Variants in OSBP observed in about 807,000 individuals in gnomAD.
OSBP encodes the protein oxysterol binding protein.
A neutral mutation model predicts 96.6 loss-of-function variants in OSBP; 32 were observed. The observed-to-expected ratio is 0.33, with a 90% CI of 0.25 to 0.45. OSBP has a LOEUF of 0.45. Ranked by LOEUF, OSBP falls within the 20% of genes least tolerant of loss-of-function variation. The pLI, the probability that OSBP is intolerant of heterozygous loss-of-function variation, is 1.00. For missense variants in OSBP, 653 were observed against 1,029.7 expected, an observed-to-expected ratio of 0.63 and a Z score of 5.01; for synonymous variants, 369 against 389.6, an observed-to-expected ratio of 0.95 and a Z score of 0.62.
chr11:59,597,959 G>T (rs1373746535), intron 7 of OSBP, among the ~76,000 whole-genome samples: 1 of 151,968 alleles, frequency 6.6e-6, no homozygotes, highest in African/African-American at 2.4e-5. Context: ...ACCCATCTTG[G>T]TCTCCCAAAG....
chr11:59,581,535 G>A lies in OSBP; in HGVS notation c.1698C>T (p.Phe566=), dbSNP rs1338650435. The change falls in exon 10 of 14, where the codon TTC becomes TTT. Residue 566 remains phenylalanine, a synonymous_variant. Coordinates refer to ENST00000263847, the MANE Select transcript of OSBP (RefSeq NM_002556.3). The part of the protein sequence containing the change: ...IMPLGTIHCI[F]HATGHHYTWK... Reference sequence around the variant, plus strand: ...AAGTGTAGTGGTGCCCAGTTGCATGGAAAATACAATGAATGGTACCTGGAA... The same window carrying A: ...AAGTGTAGTGGTGCCCAGTTGCATGAAAAATACAATGAATGGTACCTGGAA... 1 of 1,610,122 alleles carries A rather than the reference G, an allele frequency of 6.2e-7. No individual in the cohort carries two copies. The highest frequency in any genetic ancestry group is 8.5e-7 in the Non-Finnish European group (1 of 1,176,594).
Position 59,615,771 on chromosome 11 carries a change from C to T in OSBP, c.-107G>A. 10 of 1,207,886 alleles carry T rather than the reference C, an allele frequency of 8.3e-6. No homozygotes were observed. The highest frequency in any genetic ancestry group is 9.3e-6 in the Non-Finnish European group (9 of 971,554). The allele number at this position is 1,207,886 out of a possible 1,614,324, so 74.8% of individuals were successfully genotyped here. A position where few individuals can be genotyped will look rare whatever the true frequency, so the allele number is the denominator to read the frequency against. On this transcript the variant is annotated 5_prime_UTR_variant, in exon 1 of 14. Coordinates refer to ENST00000263847, the MANE Select transcript of OSBP (RefSeq NM_002556.3). ...CGCATCAGCCACCGCCGCGCAGCGT[C>T]CCCGCCCCGCCCGGCCAGCCGCGGG...
intron 9 of OSBP, among the ~76,000 whole-genome samples, chr11:59,582,406 T>C (rs1333999319): frequency 6.6e-6 from 1 of 152,182 alleles, no homozygotes; most frequent in African/African-American, 2.4e-5. Flanking sequence ...GTTTCCTGGT[T>C]GGTGAATAGA....
At chr11:59,586,392 G>A (rs545573746) in intron 9 of OSBP, among the ~76,000 whole-genome samples, 1 of 152,150 alleles carries the variant, frequency 6.6e-6, no homozygotes, top group African/African-American at 2.4e-5. Context: ...AAACATTGCT[G>A]AAAGAAATTA....
Position 59,581,041 on chromosome 11 carries a change from C to G in OSBP, c.1782+410G>C, listed in dbSNP as rs529429716. On this transcript the variant is annotated intron_variant, in intron 10 of 13. Transcript: ENST00000263847. ...ATGTTGCTGCACATTTTCCAACCTA[C>G]ACATTGGTCATGTATCTCCAATGAT... Among the ~76,000 whole-genome samples, 57 of 152,350 alleles carry G rather than the reference C, an allele frequency of 3.7e-4. No individual in the cohort carries two copies. In the South Asian group the frequency reaches 0.011, roughly 30 times the overall value.
At chr11:59,591,524 T>C (rs1860579933) in intron 9 of OSBP, among the ~76,000 whole-genome samples, 1 of 152,154 alleles carries the variant, frequency 6.6e-6, no homozygotes, top group Non-Finnish European at 1.5e-5. Flanking sequence ...TTACTTATAA[T>C]ACATAATACA....
intron 3 of OSBP, among the ~76,000 whole-genome samples, chr11:59,604,844 T>C (rs1346663823): frequency 7.2e-6 from 1 of 138,970 alleles, no homozygotes; most frequent in African/African-American, 2.7e-5. Flanking sequence ...GAGAGAGCAA[T>C]ACTCTGTCTC....
intron 1 of OSBP, 103 bp downstream of exon 1, chr11:59,615,200 G>A (rs923162837): frequency 3.3e-5 from 32 of 973,182 alleles, no homozygotes; most frequent in Non-Finnish European, 4.7e-5. Context: ...AAGGGGCCTG[G>A]GGCAACCCTG....
chr11:59,579,753 T>C (rs2134651194), intron 11 of OSBP, among the ~76,000 whole-genome samples: 1 of 149,790 alleles, frequency 6.7e-6, no homozygotes, highest in South Asian at 2.1e-4. Context: ...GGAGTCTCGC[T>C]CTGTTGCCCA....
chr11:59,606,500 A>AAG (rs1452857468), intron 3 of OSBP, among the ~76,000 whole-genome samples: 9 of 152,070 alleles, frequency 5.9e-5, no homozygotes, highest in African/African-American at 2.2e-4. Context: ...CACCAACACA[A>AAG]AGACAGAAAC....
chr11:59,588,896 T>C (rs1407644060), intron 9 of OSBP, among the ~76,000 whole-genome samples: 1 of 151,794 alleles, frequency 6.6e-6, no homozygotes, highest in Non-Finnish European at 1.5e-5. Flanking sequence ...TCCCAGCTAC[T>C]CAGGAAGCTG....
intron 2 of OSBP, 56 bp from the exon 3 acceptor site, chr11:59,608,790 A>G: frequency 6.4e-7 from 1 of 1,554,778 alleles, no homozygotes; most frequent in Non-Finnish European, 8.8e-7. Flanking sequence ...GACAGTTGGA[A>G]CCCTACCTAC....
At chr11:59,581,625 T>C in intron 9 of OSBP, 71 bp from the exon 10 acceptor site, 2 of 732,456 alleles carry the variant, frequency 2.7e-6, no homozygotes, top group Non-Finnish European at 5.0e-6. Flanking sequence ...CTCAAAACAG[T>C]AATGGATTAA....
At chr11:59,605,058 CAGA>C (rs1266912995) in intron 3 of OSBP, among the ~76,000 whole-genome samples, 5 of 149,932 alleles carry the variant, frequency 3.3e-5, no homozygotes, top group Non-Finnish European at 7.4e-5. Context: ...GAGGCTGAGG[CAGA>C]AGAACTGCTT....
Position 59,587,229 on chromosome 11 carries a change from G to A in OSBP, c.1679-5675C>T, listed in dbSNP as rs192388093. ...AAAGTGGGGAAAGGAGGCTGGGTAC[G>A]GCAGCTCACGCCTGTAATCCCAGCA... On this transcript the variant is annotated intron_variant, in intron 9 of 13. Transcript: ENST00000263847. Among the ~76,000 whole-genome samples, 46 of 152,212 alleles carry A rather than the reference G, an allele frequency of 3.0e-4. No individual in the cohort carries two copies. The East Asian group carries it at 8.3e-3, about 27-fold the overall frequency.
chr11:59,615,404 C>G lies in OSBP; in HGVS notation c.261G>C (p.Ser87=). The G allele has an allele frequency of 6.4e-7, 1 of 1,560,432 alleles. No homozygotes were observed. The highest frequency in any genetic ancestry group is 8.7e-7 in the Non-Finnish European group (1 of 1,151,320). Residue 87 remains serine, a synonymous_variant, in exon 1 of 14, where the codon TCG becomes TCC. Coordinates refer to ENST00000263847, the MANE Select transcript of OSBP (RefSeq NM_002556.3). ...AGAGCCAGCCCTCTCGAGCCGAGCC[C>G]GAACCCCCAGCGCCCGAGCCGCCCG... is the stretch of plus-strand genomic sequence containing the variant. ...GGSGGSGAGG[S]GSAREGWLFK...
chr11:59,576,904 G>A lies in OSBP; in HGVS notation c.2182C>T (p.Arg728Cys), dbSNP rs765435028. The stretch of plus-strand genomic sequence containing the variant: ...TTCTCCGCATTTGCTTCATCCCAGC[G>A]TCCATTTTCCATCAGTCTCTGGTCA... ...RPDQRLMENG[R>C]WDEANAEKQR... is the part of the protein sequence containing the mutation. The change falls in exon 13 of 14, where the codon CGC becomes TGC. Residue 728 changes from arginine (R) to cysteine (C), a missense_variant. Arg to Cys is a radical substitution (Grantham distance 180). Transcript: ENST00000263847. 18 of 1,613,948 alleles carry A rather than the reference G, an allele frequency of 1.1e-5. No homozygotes were observed. The highest frequency in any genetic ancestry group is 1.4e-5 in the Non-Finnish European group (16 of 1,180,040).
chr11:59,595,442 C>T (rs1281150608), intron 7 of OSBP, among the ~76,000 whole-genome samples: 1 of 152,076 alleles, frequency 6.6e-6, no homozygotes, highest in African/African-American at 2.4e-5. Flanking sequence ...TTTTTGTTCA[C>T]CCTTCTACCC....
chr11:59,602,339 A>G (rs1860734174), intron 3 of OSBP, among the ~76,000 whole-genome samples: 1 of 152,214 alleles, frequency 6.6e-6, no homozygotes, highest in South Asian at 2.1e-4. Context: ...TTTGGTCACT[A>G]AGAGAAACAA....
Sources: gnomAD v4.1 joint callset for allele counts (sites outside exome capture counted in the v4.1 genomes callset) on GRCh38, gnomAD v4.1.1 for gene constraint, MANE v1.5 for transcripts, NCBI Gene and HGNC (gene_info 2026-07-23, HGNC 2026-07-21) for gene names.